The following PPP1R9A variants were observed in gnomAD, a reference collection of about 807,000 sequenced individuals.
The protein encoded by PPP1R9A is neurabin-1.
PPP1R9A carries 59 observed loss-of-function variants against 141.9 expected under a neutral mutation model. The observed-to-expected ratio is 0.42, with a 90% CI of 0.34 to 0.52. The LOEUF (loss-of-function observed/expected upper bound fraction) is 0.52. PPP1R9A is among the 20% of genes least tolerant of loss of function. The pLI, the probability that PPP1R9A is intolerant of heterozygous loss-of-function variation, is 0.10. For missense variants in PPP1R9A, 1,444 were observed against 1,611.9 expected, an observed-to-expected ratio of 0.90 and a Z score of 1.78; for synonymous variants, 500 against 569.7, an observed-to-expected ratio of 0.88 and a Z score of 1.74.
chr7:95,150,970 T>C (rs1053377722), intron 4 of PPP1R9A, among the ~76,000 whole-genome samples: 8 of 152,172 alleles, frequency 5.3e-5, no homozygotes, highest in Non-Finnish European at 1.0e-4. Context: ...GATACCACTA[T>C]ATACCTGTTA....
intron 7 of PPP1R9A, among the ~76,000 whole-genome samples, chr7:95,204,673 CCA>C (rs1013509526): frequency 8.2e-6 from 1 of 122,222 alleles, no homozygotes; most frequent in Non-Finnish European, 1.6e-5. Flanking sequence ...CACACACACA[CCA>C]CACACACACC....
chr7:95,078,394 G>T (rs958275068), intron 2 of PPP1R9A, among the ~76,000 whole-genome samples: 1 of 151,280 alleles, frequency 6.6e-6, no homozygotes, highest in Admixed American at 6.6e-5. Context: ...TGGACATTTG[G>T]GTTGGTTCCA....
intron 5 of PPP1R9A, among the ~76,000 whole-genome samples, chr7:95,194,258 C>T (rs1243636770): frequency 6.6e-6 from 1 of 152,006 alleles, no homozygotes; most frequent in African/African-American, 2.4e-5. Flanking sequence ...TCAAGGTAGT[C>T]ATTATATGTC....
intron 2 of PPP1R9A, among the ~76,000 whole-genome samples, chr7:94,940,795 CTT>C (rs971528336): frequency 6.6e-6 from 1 of 151,902 alleles, no homozygotes; most frequent in Non-Finnish European, 1.5e-5. Context: ...TGGAAACAAT[CTT>C]ATTTTATTTT....
chr7:95,244,230 C>G (rs150393321), intron 8 of PPP1R9A, among the ~76,000 whole-genome samples: 2 of 152,224 alleles, frequency 1.3e-5, no homozygotes, highest in African/African-American at 4.8e-5. Flanking sequence ...TAGTTCAGTT[C>G]CCTCCTGTTA....
Position 94,910,176 on chromosome 7 carries a change from T to G in PPP1R9A, c.63T>G (p.Asn21Lys). The G allele has an allele frequency of 6.2e-7, 1 of 1,614,084 alleles. No individual in the cohort carries two copies. The highest frequency in any genetic ancestry group is 2.2e-5 in the East Asian group (1 of 44,880). The change falls in exon 2 of 20, where the codon AAT becomes AAG. Residue 21 changes from asparagine to lysine, a missense_variant. Transcript: ENST00000433360. The surrounding 1 kb of genome is among the most constrained non-coding windows in gnomAD (Gnocchi z 4.5). The stretch of plus-strand genomic sequence containing the variant: ...TCAGAAGTGCCTCTCCTCACAGGAA[T>G]GCATATCGAACTGAGTTTCAGGCAC... ...TTLRSASPHR[N>K]AYRTEFQALK...
chr7:95,161,546 A>G (rs1297708484), intron 4 of PPP1R9A, among the ~76,000 whole-genome samples: 1 of 152,202 alleles, frequency 6.6e-6, no homozygotes, highest in African/African-American at 2.4e-5. Context: ...ACATCTTTCA[A>G]ATAGTTTAAA....
chr7:95,012,981 T>G (rs1228130412), intron 2 of PPP1R9A, among the ~76,000 whole-genome samples: 2 of 152,162 alleles, frequency 1.3e-5, no homozygotes, highest in South Asian at 2.1e-4. Flanking sequence ...CCATTTTTTT[T>G]GTATATGTAG....
rs573576372 is a variant in PPP1R9A at position 95,068,022 on chromosome 7, C to T, written c.1396-43237C>T. On this transcript the variant is annotated intron_variant, in intron 2 of 19. Transcript: ENST00000433360. ...TTTTCGGACTCAGCTCGCCTGCACCCAGGTGAAATAAACATCCTTGTTGCT... is the reference window on the plus strand; with the variant it reads ...TTTTCGGACTCAGCTCGCCTGCACCTAGGTGAAATAAACATCCTTGTTGCT... Among the ~76,000 whole-genome samples, 5 of 152,250 alleles carry T rather than the reference C, an allele frequency of 3.3e-5. No homozygotes were observed. In the East Asian group the frequency reaches 9.6e-4, roughly 29 times the overall value.
At chr7:94,964,191 G>A (rs923463837) in intron 2 of PPP1R9A, among the ~76,000 whole-genome samples, 2 of 152,096 alleles carry the variant, frequency 1.3e-5, no homozygotes, top group Non-Finnish European at 2.9e-5. Context: ...CCATTTATCA[G>A]TTGAGAGACA....
At chr7:95,232,791 G>A (rs926321390) in intron 8 of PPP1R9A, among the ~76,000 whole-genome samples, 1 of 152,172 alleles carries the variant, frequency 6.6e-6, no homozygotes, top group Non-Finnish European at 1.5e-5. Context: ...CTGGTCATTG[G>A]AGAAATGTGA....
At chr7:95,211,070 A>G (rs1204310773) in intron 7 of PPP1R9A, among the ~76,000 whole-genome samples, 4 of 152,034 alleles carry the variant, frequency 2.6e-5, no homozygotes, top group African/African-American at 9.7e-5. Flanking sequence ...TGGGTGCAGC[A>G]AACCACCATG....
At chr7:94,917,502 G>A (rs1300452763) in intron 2 of PPP1R9A, among the ~76,000 whole-genome samples, 3 of 152,024 alleles carry the variant, frequency 2.0e-5, no homozygotes, top group Non-Finnish European at 4.4e-5. Flanking sequence ...GACCTCTGGG[G>A]CACAAGTAAT....
intron 2 of PPP1R9A, among the ~76,000 whole-genome samples, chr7:95,041,248 T>TTTC (rs1286983306): frequency 6.6e-6 from 1 of 152,164 alleles, no homozygotes; most frequent in African/African-American, 2.4e-5. Context: ...AAAATGCTGA[T>TTTC]TTCTTCTCCA....
At chr7:95,040,247 G>T (rs1037377391) in intron 2 of PPP1R9A, among the ~76,000 whole-genome samples, 64 of 151,418 alleles carry the variant, frequency 4.2e-4, no homozygotes, top group African/African-American at 1.4e-3. Flanking sequence ...CTAAAATCTA[G>T]TAGAAGAAAG....
intron 5 of PPP1R9A, among the ~76,000 whole-genome samples, chr7:95,173,668 A>G (rs1470134665): frequency 6.6e-6 from 1 of 152,004 alleles, no homozygotes; most frequent in African/African-American, 2.4e-5. Context: ...TATTATAACA[A>G]CTATATAATG....
chr7:95,002,024 C>T (rs996956469), intron 2 of PPP1R9A, among the ~76,000 whole-genome samples: 1 of 152,138 alleles, frequency 6.6e-6, no homozygotes, highest in African/African-American at 2.4e-5. Context: ...TAAGTGCTCT[C>T]TCTGCAGCAA....
chr7:95,070,788 T>C (rs1188209185), intron 2 of PPP1R9A, among the ~76,000 whole-genome samples: 4 of 151,686 alleles, frequency 2.6e-5, no homozygotes, highest in African/African-American at 9.7e-5. Context: ...CATTATCTAA[T>C]TCTACTTTAT....
chr7:95,112,328 C>T (rs1240687340), intron 3 of PPP1R9A, among the ~76,000 whole-genome samples: 1 of 152,140 alleles, frequency 6.6e-6, no homozygotes, highest in Non-Finnish European at 1.5e-5. Flanking sequence ...CATCACTAAT[C>T]ATCAGAGAAA....
Sources: gnomAD v4.1 joint callset for allele counts (sites outside exome capture counted in the v4.1 genomes callset) on GRCh38, gnomAD v4.1.1 for gene constraint, Gnocchi (gnomAD v3.1) non-coding constraint, MANE v1.5 for transcripts, NCBI Gene and HGNC (gene_info 2026-07-23, HGNC 2026-07-21) for gene names.